Variants in CSNK1G1 observed in about 807,000 individuals in gnomAD.
CSNK1G1 encodes casein kinase 1 gamma 1.
A neutral mutation model predicts 59.6 loss-of-function variants in CSNK1G1; 22 were observed. That is an observed-to-expected ratio of 0.37 (90% CI 0.26 to 0.53). The LOEUF is 0.53. Ranked by LOEUF, CSNK1G1 falls within the 20% of genes least tolerant of loss-of-function variation. The probability of loss-of-function intolerance (pLI) is 0.89; values close to 1 mark genes in which losing one functional copy is unlikely to be tolerated. For synonymous variants in CSNK1G1, 179 were observed against 177.1 expected (o/e 1.01, Z -0.08); for missense variants, 384 against 519.5 (o/e 0.74, Z 2.54).
chr15:64,304,233 C>CA (rs904202817), intron 1 of CSNK1G1, among the ~76,000 whole-genome samples: 4 of 150,674 alleles, frequency 2.7e-5, no homozygotes, highest in East Asian at 1.9e-4. Context: ...ACTAAAAATA[C>CA]AAAAAAAATT....
At chr15:64,307,047 A>C (rs887534536) in intron 1 of CSNK1G1, among the ~76,000 whole-genome samples, 1 of 152,168 alleles carries the variant, frequency 6.6e-6, no homozygotes, top group East Asian at 1.9e-4. Flanking sequence ...TCTGTATGAT[A>C]CCATAATGGT....
chr15:64,260,670 G>A (rs2140332064), intron 2 of CSNK1G1, among the ~76,000 whole-genome samples: 1 of 152,132 alleles, frequency 6.6e-6, no homozygotes, highest in South Asian at 2.1e-4. Context: ...CCCAGGAGGT[G>A]TAGGCTACAG....
At chr15:64,326,502 G>A (rs1227421980) in intron 1 of CSNK1G1, among the ~76,000 whole-genome samples, 1 of 152,060 alleles carries the variant, frequency 6.6e-6, no homozygotes, top group Admixed American at 6.6e-5. Flanking sequence ...CAATTAGCCG[G>A]GCATGGTGGC....
At chr15:64,213,306 C>G (rs943726824) in intron 6 of CSNK1G1, among the ~76,000 whole-genome samples, 1 of 152,150 alleles carries the variant, frequency 6.6e-6, no homozygotes, top group Non-Finnish European at 1.5e-5. Flanking sequence ...CTGACAAATA[C>G]TCTCCCCCTT....
chr15:64,316,553 AAAAG>A (rs1896276855), intron 1 of CSNK1G1, among the ~76,000 whole-genome samples: 1 of 149,816 alleles, frequency 6.7e-6, no homozygotes, highest in African/African-American at 2.5e-5. Context: ...AAAAAAAAAA[AAAAG>A]AAAAGAAAAA....
rs563692975 is a variant in CSNK1G1, at chr15:64,293,633, C to T, written c.181+6686G>A. Among the ~76,000 whole-genome samples the T allele has an allele frequency of 5.9e-5, 9 of 152,290 alleles. No individual in the cohort carries two copies. In the South Asian group the frequency reaches 1.9e-3, roughly 32 times the overall value. On this transcript the variant is annotated intron_variant, in intron 2 of 11. Transcript: ENST00000303052. ...AAACCAACTTTAAATACAAGGAGAT[C>T]GAGTAGACCAGTGCCAGTCCGTGGC...
At chr15:64,232,410 C>T (rs1280667513) in intron 4 of CSNK1G1, among the ~76,000 whole-genome samples, 1 of 152,108 alleles carries the variant, frequency 6.6e-6, no homozygotes, top group Non-Finnish European at 1.5e-5. Context: ...GTTACTGGAA[C>T]TTAAGGAAAT....
At chr15:64,272,255 G>A (rs538021309) in intron 2 of CSNK1G1, among the ~76,000 whole-genome samples, 65 of 150,228 alleles carry the variant, frequency 4.3e-4, no homozygotes, top group Non-Finnish European at 7.5e-4. Context: ...TTGCTCTGTC[G>A]CCCAGGCTGG....
intron 1 of CSNK1G1, among the ~76,000 whole-genome samples, chr15:64,313,157 G>A (rs1294175575): frequency 1.3e-5 from 2 of 152,212 alleles, no homozygotes; most frequent in Non-Finnish European, 1.5e-5. Context: ...TGGTGGGAGT[G>A]TACATTAGTT....
intron 1 of CSNK1G1, among the ~76,000 whole-genome samples, chr15:64,317,298 A>AGGC (rs896979640): frequency 2.6e-5 from 4 of 152,202 alleles, no homozygotes; most frequent in Non-Finnish European, 4.4e-5. Context: ...CATGTTGGCC[A>AGGC]GGCTGGTCTC....
intron 3 of CSNK1G1, among the ~76,000 whole-genome samples, chr15:64,257,141 T>C (rs908086172): frequency 6.6e-6 from 1 of 151,700 alleles, no homozygotes; most frequent in Non-Finnish European, 1.5e-5. Context: ...AGTCACACCA[T>C]ACTAGATTGT....
Position 64,216,571 on chromosome 15 carries a change from G to T in CSNK1G1, c.435C>A (p.Ala145=), listed in dbSNP as rs1170732831. 1 of 1,613,658 alleles carries T rather than the reference G, an allele frequency of 6.2e-7. No individual in the cohort carries two copies. The highest frequency in any genetic ancestry group is 1.7e-5 in the Admixed American group (1 of 59,994). ...AGCAATTCCAACTTACCAGCTGGAT[G>T]GCTATCATTAACACCGTCTTCAAAG... ...TFTLKTVLMI[A]IQLLSRMEYV... Residue 145 remains alanine, a synonymous_variant, in exon 5 of 12, where the codon GCC becomes GCA. Coordinates refer to ENST00000303052, the MANE Select transcript of CSNK1G1 (RefSeq NM_022048.5). The surrounding 1 kb of genome is among the most constrained non-coding windows in gnomAD (Gnocchi z 4.6).
At chr15:64,296,268 A>G (rs1895017307) in intron 2 of CSNK1G1, among the ~76,000 whole-genome samples, 1 of 152,070 alleles carries the variant, frequency 6.6e-6, no homozygotes, top group South Asian at 2.1e-4. Flanking sequence ...CTACAGGTGC[A>G]TACCACCACA....
chr15:64,295,499 C>T (rs1894972799), intron 2 of CSNK1G1, among the ~76,000 whole-genome samples: 1 of 152,202 alleles, frequency 6.6e-6, no homozygotes, highest in Non-Finnish European at 1.5e-5. Flanking sequence ...CATCTCACTT[C>T]CATTTTCAGA....
intron 10 of CSNK1G1, among the ~76,000 whole-genome samples, chr15:64,197,726 T>C (rs533973709): frequency 6.6e-6 from 1 of 152,162 alleles, no homozygotes; most frequent in Admixed American, 6.5e-5. Context: ...CCAAAAGATT[T>C]CAAAAGCAGA....
At chr15:64,335,834 A>G (rs1342740410) in intron 1 of CSNK1G1, 2 of 152,180 alleles carry the variant, frequency 1.3e-5, no homozygotes, top group Non-Finnish European at 2.9e-5. Flanking sequence ...TTGTTCCTGT[A>G]TTGTCCTAGT....
At chr15:64,291,782 G>A (rs1192168434) in intron 2 of CSNK1G1, among the ~76,000 whole-genome samples, 19 of 152,042 alleles carry the variant, frequency 1.2e-4, no homozygotes. Context: ...GACTTGGAGT[G>A]GAAAATAATG....
At chr15:64,236,939 A>C (rs1276373098) in intron 4 of CSNK1G1, among the ~76,000 whole-genome samples, 1 of 152,224 alleles carries the variant, frequency 6.6e-6, no homozygotes, top group East Asian at 1.9e-4. Flanking sequence ...ATACATACAT[A>C]ATAGAGTAAT....
intron 4 of CSNK1G1, among the ~76,000 whole-genome samples, chr15:64,238,518 A>AAAAAAAAAAAATATATATATATAT (rs1555396879): frequency 4.1e-5 from 2 of 49,246 alleles, no homozygotes; most frequent in African/African-American, 1.2e-4. Context: ...AAAAAAAAAA[A>AAAAAAAAAAAATATATATATATAT]ATATATATAT....
Sources: allele counts gnomAD v4.1 joint callset (sites outside exome capture counted in the v4.1 genomes callset), GRCh38; gene constraint gnomAD v4.1.1; non-coding constraint Gnocchi (gnomAD v3.1); transcripts MANE v1.5; gene names NCBI Gene and HGNC (gene_info 2026-07-23, HGNC 2026-07-21).